MEIS1: variants seen among roughly 807,000 people sequenced by gnomAD.
MEIS1 encodes Meis homeobox 1.
A neutral mutation model predicts 50.8 loss-of-function variants in MEIS1; 5 were observed. The ratio of observed to expected loss-of-function variants is 0.10; its 90% confidence interval spans 0.05 to 0.21. MEIS1 has a LOEUF of 0.21. Ranked by LOEUF, MEIS1 falls within the 10% of genes least tolerant of loss-of-function variation. MEIS1 has a pLI of 1.00. For synonymous variants in MEIS1, 176 were observed against 179.3 expected, an observed-to-expected ratio of 0.98 and a Z score of 0.15; for missense variants, 318 against 517.3, an observed-to-expected ratio of 0.61 and a Z score of 3.74.
At chr2:66,438,753 C>T (rs548596272) in intron 2 of MEIS1, among the ~76,000 whole-genome samples, 1 of 152,210 alleles carries the variant, frequency 6.6e-6, no homozygotes, top group Non-Finnish European at 1.5e-5. Flanking sequence ...AATTTGGGAA[C>T]CTCTTTTTAC....
rs200000555 is a variant in MEIS1 at position 66,566,822 on chromosome 2, A to C, written c.966-631A>C. Among the ~76,000 whole-genome samples, 230 of 150,692 alleles carry C rather than the reference A, an allele frequency of 1.5e-3. 1 individual carries two copies. Among genetic ancestry groups the C allele is most frequent in the African/African-American group, 3.9e-3 (163 of 41,310 alleles). The stretch of plus-strand genomic sequence containing the variant: ...TTTACATAAAGAGCAAAAAAAAAAA[A>C]AACAACAACAACAAAAAAAGCCACC... On this transcript the variant is annotated intron_variant, in intron 9 of 12. Coordinates refer to ENST00000272369, the MANE Select transcript of MEIS1 (RefSeq NM_002398.3).
At chr2:66,507,575 A>T (rs1673713057) in intron 7 of MEIS1, among the ~76,000 whole-genome samples, 1 of 152,140 alleles carries the variant, frequency 6.6e-6, no homozygotes, top group African/African-American at 2.4e-5. Context: ...ATCAGTTGTG[A>T]TGTAAATCTT....
chr2:66,564,397 G>A (rs946095952), intron 9 of MEIS1, among the ~76,000 whole-genome samples: 7 of 152,074 alleles, frequency 4.6e-5, no homozygotes, highest in Non-Finnish European at 1.5e-5. Context: ...TTTCTACCTG[G>A]GGATCAGAGC....
chr2:66,440,245 A>C (rs879356345), intron 3 of MEIS1: 1 of 592,070 alleles, frequency 1.7e-6, no homozygotes, highest in East Asian at 2.8e-5. Context: ...GCAAACGTGG[A>C]GAGCTCACTC....
intron 7 of MEIS1, among the ~76,000 whole-genome samples, chr2:66,477,732 T>C (rs1305339728): frequency 6.6e-6 from 1 of 152,122 alleles, no homozygotes; most frequent in Non-Finnish European, 1.5e-5. Flanking sequence ...ATTTCCTGAG[T>C]ATTTGCAGAA....
At position 66,571,338 on chromosome 2, in the gene MEIS1, C is replaced by G. The variant is rs759854586; in HGVS notation, c.*130C>G. The G allele has an allele frequency of 3.8e-6, 6 of 1,599,224 alleles. No homozygotes were observed. Among genetic ancestry groups the G allele is most frequent in the Admixed American group, 1.7e-5 (1 of 57,304 alleles). ...AAGTTATACCCAACCCCAGATGCCC[C>G]CCCATCCTGCTCAGCTGCGTCATGG... On this transcript the variant is annotated 3_prime_UTR_variant, in exon 13 of 13. Coordinates refer to ENST00000272369, the MANE Select transcript of MEIS1 (RefSeq NM_002398.3).
chr2:66,502,979 T>C (rs561785243), intron 7 of MEIS1, among the ~76,000 whole-genome samples: 1 of 152,318 alleles, frequency 6.6e-6, no homozygotes, highest in Admixed American at 6.5e-5. Flanking sequence ...CAAAAATACA[T>C]TTGAAATGTC....
chr2:66,466,411 G>C (rs931297799), intron 7 of MEIS1, among the ~76,000 whole-genome samples: 10 of 152,166 alleles, frequency 6.6e-5, no homozygotes, highest in Admixed American at 6.5e-5. Context: ...CTTCCTTGTG[G>C]GTTTTCTTTG....
intron 2 of MEIS1, 115 bp downstream of exon 2, chr2:66,438,078 C>A: frequency 1.0e-6 from 1 of 963,990 alleles, no homozygotes; most frequent in Non-Finnish European, 1.5e-6. Flanking sequence ...TCTTTGGTGA[C>A]TTTTCATTCA....
At chr2:66,515,464 G>A (rs2103859859) in intron 8 of MEIS1, among the ~76,000 whole-genome samples, 1 of 152,246 alleles carries the variant, frequency 6.6e-6, no homozygotes, top group Admixed American at 6.5e-5. Flanking sequence ...GAAGAAAAAT[G>A]TGGCAGTCTG....
chr2:66,559,995 C>T (rs1199919401), intron 9 of MEIS1, among the ~76,000 whole-genome samples: 1 of 151,652 alleles, frequency 6.6e-6, no homozygotes, highest in African/African-American at 2.4e-5. Context: ...CAGGGTTTTA[C>T]CATGTTGCCC....
At chr2:66,545,521 T>A (rs1042463445) in intron 8 of MEIS1, among the ~76,000 whole-genome samples, 8 of 152,192 alleles carry the variant, frequency 5.3e-5, no homozygotes, top group African/African-American at 1.9e-4. Context: ...CAAAGTCCCA[T>A]AGTTAATGAG....
intron 9 of MEIS1, among the ~76,000 whole-genome samples, chr2:66,565,794 T>A (rs1192256609): frequency 6.6e-6 from 1 of 152,202 alleles, no homozygotes; most frequent in African/African-American, 2.4e-5. Flanking sequence ...GATAAAGAGA[T>A]GTTTTTGCTC....
chr2:66,475,756 A>G, intron 7 of MEIS1, among the ~76,000 whole-genome samples: 1 of 152,144 alleles, frequency 6.6e-6, no homozygotes. Context: ...CATCTGTAGG[A>G]CTCCTCTTAC....
intron 7 of MEIS1, among the ~76,000 whole-genome samples, chr2:66,499,471 C>G (rs1285964645): frequency 6.6e-6 from 1 of 151,978 alleles, no homozygotes; most frequent in Non-Finnish European, 1.5e-5. Flanking sequence ...CTCAGGCTGC[C>G]CTTCCTGCAC....
chr2:66,504,036 C>A lies in MEIS1; in HGVS notation c.743-8113C>A, dbSNP rs557043946. ...CTGGGATTACAAGTGTGAGCCACCG[C>A]GCCCAGCCCTATGAGGCATATTTTT... On this transcript the variant is annotated intron_variant, in intron 7 of 12. Coordinates refer to ENST00000272369, the MANE Select transcript of MEIS1 (RefSeq NM_002398.3). 2.0e-5 allele frequency among the ~76,000 whole-genome samples: 3 copies of A among 151,848 alleles called. No individual in the cohort carries two copies. In the South Asian group the frequency reaches 6.2e-4, roughly 32 times the overall value.
chr2:66,537,632 A>C (rs1160318800), intron 8 of MEIS1, among the ~76,000 whole-genome samples: 1 of 152,212 alleles, frequency 6.6e-6, no homozygotes, highest in Non-Finnish European at 1.5e-5. Context: ...TCTTTAGACA[A>C]GGATTTTTCC....
Position 66,441,599 on chromosome 2 carries a change from G to A in MEIS1, c.483+135G>A. The A allele has an allele frequency of 1.3e-5, 9 of 715,108 alleles. 1 individual carries two copies. Among genetic ancestry groups the A allele is most frequent in the Non-Finnish European group, 2.0e-5 (9 of 449,524 alleles). The allele number at this position is 715,108 out of a possible 1,614,324, so 44.3% of individuals were successfully genotyped here. On this transcript the variant is annotated intron_variant, in intron 5 of 12. Transcript: ENST00000272369. ...CTTTCTTTCTGGTAATTAGTGTCAA[G>A]GCCAATCTTAGCGTCCATTTCTCTT...
At chr2:66,449,593 C>G (rs1672233380) in intron 6 of MEIS1, among the ~76,000 whole-genome samples, 1 of 152,060 alleles carries the variant, frequency 6.6e-6, no homozygotes, top group South Asian at 2.1e-4. Flanking sequence ...GCTGGAATCC[C>G]TACACTTGTA....
Sources: gnomAD v4.1 joint callset for allele counts (sites outside exome capture counted in the v4.1 genomes callset) on GRCh38, gnomAD v4.1.1 for gene constraint, MANE v1.5 for transcripts, NCBI Gene and HGNC (gene_info 2026-07-23, HGNC 2026-07-21) for gene names.